UST: variants seen among roughly 807,000 people sequenced by gnomAD.
UST encodes chondroitin sulfate 2-O-sulfotransferase.
A neutral mutation model predicts 45.6 loss-of-function variants in UST; 21 were observed. That is an observed-to-expected ratio of 0.46 (90% confidence interval 0.33 to 0.66). The LOEUF is 0.66. Ranked by LOEUF, UST falls within the 30% of genes least tolerant of loss-of-function variation. UST has a pLI of 0.02. For synonymous variants in UST, 215 were observed against 200.6 expected, an observed-to-expected ratio of 1.07 and a Z score of -0.61; for missense variants, 463 against 512.4, an observed-to-expected ratio of 0.90 and a Z score of 0.93.
intron 5 of UST, among the ~76,000 whole-genome samples, chr6:148,975,707 T>C (rs993863349): frequency 6.6e-6 from 1 of 152,194 alleles, no homozygotes; most frequent in African/African-American, 2.4e-5. Context: ...AGAGAAAAGA[T>C]AGGTTTATGA....
intron 1 of UST, among the ~76,000 whole-genome samples, chr6:148,864,912 G>A (rs1778397394): frequency 6.6e-6 from 1 of 152,150 alleles, no homozygotes; most frequent in African/African-American, 2.4e-5. Context: ...CTCCACAAGT[G>A]CTAATAAAAA....
chr6:149,018,025 C>G (rs956246048), intron 5 of UST, among the ~76,000 whole-genome samples: 1 of 152,180 alleles, frequency 6.6e-6, no homozygotes, highest in African/African-American at 2.4e-5. Flanking sequence ...TCATGGTAAA[C>G]TCAAGTGCTT....
chr6:148,930,145 C>A (rs1779893248), intron 2 of UST, among the ~76,000 whole-genome samples: 1 of 152,106 alleles, frequency 6.6e-6, no homozygotes, highest in South Asian at 2.1e-4. Context: ...GTTGATCACC[C>A]CTTCCGTTCT....
rs1369324619 is a variant in UST, at chr6:149,017,385, AC to A, written c.682-1753del. On this transcript the variant is annotated intron_variant, in intron 5 of 7. Coordinates refer to ENST00000367463, the MANE Select transcript of UST (RefSeq NM_005715.3). ...GCAAGACTCTGTCTCAAAAAAAAAAACAAAAAAAGTAAGATGCGTACATTGT... is the reference window on the plus strand; with the variant it reads ...GCAAGACTCTGTCTCAAAAAAAAAAAAAAAAAAGTAAGATGCGTACATTGT... Among the ~76,000 whole-genome samples the A allele has an allele frequency of 4.9e-3, 738 of 151,948 alleles. 9 individuals carry two copies. Among genetic ancestry groups the A allele is most frequent in the African/African-American group, 0.017 (721 of 41,300 alleles).
At chr6:148,861,234 A>T (rs1175353222) in intron 1 of UST, among the ~76,000 whole-genome samples, 1 of 152,128 alleles carries the variant, frequency 6.6e-6, no homozygotes, top group Non-Finnish European at 1.5e-5. Flanking sequence ...GGGAGGGTGT[A>T]TGTGTCCAGG....
intron 1 of UST, among the ~76,000 whole-genome samples, chr6:148,787,152 G>A (rs1776748295): frequency 6.6e-6 from 1 of 152,128 alleles, no homozygotes; most frequent in Non-Finnish European, 1.5e-5. Context: ...CATTCTGTAG[G>A]TAGTTTGTTT....
chr6:148,900,337 C>G (rs1423407375), intron 2 of UST, among the ~76,000 whole-genome samples: 1 of 152,192 alleles, frequency 6.6e-6, no homozygotes, highest in Non-Finnish European at 1.5e-5. Flanking sequence ...ACCTAGGTCT[C>G]ATCTTGAATT....
intron 7 of UST, among the ~76,000 whole-genome samples, chr6:149,028,263 C>A (rs1776080226): frequency 6.6e-6 from 1 of 152,182 alleles, no homozygotes; most frequent in Admixed American, 6.5e-5. Flanking sequence ...CTCAGTTTCC[C>A]CATCTGGATA....
intron 6 of UST, among the ~76,000 whole-genome samples, chr6:149,019,853 C>T (rs1404342251): frequency 1.3e-5 from 2 of 152,210 alleles, no homozygotes; most frequent in African/African-American, 4.8e-5. Context: ...ATCAGCACCC[C>T]TGTATACTTG....
At chr6:148,809,741 G>A (rs1777220253) in intron 1 of UST, among the ~76,000 whole-genome samples, 1 of 152,208 alleles carries the variant, frequency 6.6e-6, no homozygotes, top group Non-Finnish European at 1.5e-5. Context: ...ATACCCATCA[G>A]TGAGTCTCAG....
At chr6:148,909,456 C>T (rs2114876101) in intron 2 of UST, among the ~76,000 whole-genome samples, 1 of 152,266 alleles carries the variant, frequency 6.6e-6, no homozygotes, top group East Asian at 1.9e-4. Context: ...TAATATTCTT[C>T]CACATATATG....
At chr6:148,892,454 G>C (rs1490377258) in intron 2 of UST, among the ~76,000 whole-genome samples, 1 of 152,166 alleles carries the variant, frequency 6.6e-6, no homozygotes, top group Non-Finnish European at 1.5e-5. Context: ...AATACAATAA[G>C]AAAGATGGAG....
chr6:148,754,431 A>G (rs1257357305), intron 1 of UST, among the ~76,000 whole-genome samples: 1 of 152,060 alleles, frequency 6.6e-6, no homozygotes, highest in Non-Finnish European at 1.5e-5. Flanking sequence ...ACAGAACTCA[A>G]TTTCTGGTCT....
chr6:148,969,974 C>T (rs1422388278), intron 5 of UST, among the ~76,000 whole-genome samples: 5 of 152,176 alleles, frequency 3.3e-5, no homozygotes, highest in Non-Finnish European at 5.9e-5. Context: ...TCTCCCTCTC[C>T]GAGGAGTAAC....
At chr6:148,926,905 C>T (rs568062855) in intron 2 of UST, among the ~76,000 whole-genome samples, 1 of 151,562 alleles carries the variant, frequency 6.6e-6, no homozygotes, top group Non-Finnish European at 1.5e-5. Context: ...AGGGGGTTGT[C>T]ATTTCAAAAT....
chr6:148,912,349 A>G (rs1009594205), intron 2 of UST, among the ~76,000 whole-genome samples: 6 of 152,252 alleles, frequency 3.9e-5, no homozygotes, highest in Admixed American at 3.9e-4. Context: ...AAGGCTGCTT[A>G]TCAGAGGACA....
At chr6:148,763,047 G>A (rs1776250427) in intron 1 of UST, among the ~76,000 whole-genome samples, 1 of 152,168 alleles carries the variant, frequency 6.6e-6, no homozygotes, top group African/African-American at 2.4e-5. Flanking sequence ...TCGAATGGTA[G>A]TTCGATTTTT....
At chr6:149,073,609 G>C (rs1418292622) in intron 7 of UST, among the ~76,000 whole-genome samples, 1 of 152,234 alleles carries the variant, frequency 6.6e-6, no homozygotes, top group Non-Finnish European at 1.5e-5. Context: ...TCTGATGAAA[G>C]GAAATTTGAT....
intron 5 of UST, among the ~76,000 whole-genome samples, chr6:148,994,514 A>G (rs560527300): frequency 6.6e-6 from 1 of 152,296 alleles, no homozygotes; most frequent in South Asian, 2.1e-4. Context: ...GGGGACTAAT[A>G]TTGAAGTGAG....
Sources: allele counts gnomAD v4.1 joint callset (sites outside exome capture counted in the v4.1 genomes callset), GRCh38; gene constraint gnomAD v4.1.1; transcripts MANE v1.5; gene names NCBI Gene and HGNC (gene_info 2026-07-23, HGNC 2026-07-21).